The following SHISA9 variants were observed in gnomAD, a reference collection of about 807,000 sequenced individuals.
The protein encoded by SHISA9 is protein shisa-9.
Under a neutral mutation model 38.0 loss-of-function variants are expected in SHISA9, and 13 were observed. That is an observed-to-expected ratio of 0.34 (90% confidence interval 0.22 to 0.54). The LOEUF (loss-of-function observed/expected upper bound fraction) is 0.54, where lower values mean the gene tolerates loss of function less well. SHISA9 is among the 20% of genes least tolerant of loss of function. The pLI is 0.91. For synonymous variants in SHISA9, 275 were observed against 242.0 expected, an observed-to-expected ratio of 1.14 and a Z score of -1.27; for missense variants, 538 against 575.8, an observed-to-expected ratio of 0.93 and a Z score of 0.67.
chr16:13,131,076 C>G (rs1409548624), intron 2 of SHISA9, among the ~76,000 whole-genome samples: 2 of 150,276 alleles, frequency 1.3e-5, no homozygotes, highest in African/African-American at 2.5e-5. Context: ...GATCTAGAAG[C>G]AGAAATACCA....
At chr16:13,004,149 G>T (rs1352951511) in intron 2 of SHISA9, among the ~76,000 whole-genome samples, 2 of 152,144 alleles carry the variant, frequency 1.3e-5, no homozygotes, top group African/African-American at 4.8e-5. Context: ...GGCAAAAGGT[G>T]GGTCTCTTCT....
chr16:12,950,330 AG>A (rs1335587782), intron 2 of SHISA9, among the ~76,000 whole-genome samples: 1 of 152,192 alleles, frequency 6.6e-6, no homozygotes, highest in Non-Finnish European at 1.5e-5. Context: ...TAAACAAGGG[AG>A]TGCATATATC....
intron 2 of SHISA9, among the ~76,000 whole-genome samples, chr16:13,008,656 TCC>T (rs1567179910): frequency 8.7e-5 from 2 of 22,866 alleles, no homozygotes; most frequent in Non-Finnish European, 1.6e-4. Flanking sequence ...CCTCCCTCCC[TCC>T]CTCCCTTCCT....
the SHISA9 span, among the ~76,000 whole-genome samples, chr16:13,446,424 C>G: frequency 6.6e-6 from 1 of 152,108 alleles, no homozygotes; most frequent in African/African-American, 2.4e-5. Context: ...CCACAAGTCA[C>G]TTGTAGTCTA....
At chr16:13,407,549 G>A in the SHISA9 span, among the ~76,000 whole-genome samples, 1 of 152,206 alleles carries the variant, frequency 6.6e-6, no homozygotes, top group Non-Finnish European at 1.5e-5. Flanking sequence ...CAATGATGCT[G>A]TCATGAACAC....
the SHISA9 span, among the ~76,000 whole-genome samples, chr16:13,256,776 GC>G: frequency 6.6e-6 from 1 of 152,206 alleles, no homozygotes; most frequent in African/African-American, 2.4e-5. Context: ...ACACGGTGTT[GC>G]CTTTTGAGTA....
chr16:13,197,841 A>C lies in SHISA9; in HGVS notation c.692-5553A>C, dbSNP rs540403932. The stretch of plus-strand genomic sequence containing the variant: ...GAATGTCTAGAAGGGAACTTCTGAG[A>C]GTGAGACATGTTACTGGATTCCATC... On this transcript the variant is annotated intron_variant, in intron 2 of 4. Transcript: ENST00000558583. Among the ~76,000 whole-genome samples, 6 of 152,306 alleles carry C rather than the reference A, an allele frequency of 3.9e-5. No homozygotes were observed. In the South Asian group the frequency reaches 8.3e-4, roughly 21 times the overall value.
intron 2 of SHISA9, among the ~76,000 whole-genome samples, chr16:13,170,258 A>T (rs2050674446): frequency 6.6e-6 from 1 of 151,910 alleles, no homozygotes; most frequent in South Asian, 2.1e-4. Context: ...TTGTTCATTT[A>T]TTTGTCCCTA....
rs571885369 is a variant in SHISA9, at chr16:13,235,104, C to G, written c.970C>G (p.Leu324Val). 6.4e-7 allele frequency: 1 copy of G among 1,551,666 alleles called. No individual in the cohort carries two copies. The highest frequency in any genetic ancestry group is 2.0e-5 in the Admixed American group (1 of 50,994). ...GCTGGCTGCCAAGGGGAACTTACCT[C>G]TGCACCCCGTAAGAGTGGAGGACGA... The part of the protein sequence containing the change: ...AELAAKGNLP[L>V]HPVRVEDEPR... Residue 324 changes from leucine to valine, a missense_variant, in exon 5 of 5, where the codon CTG becomes GTG. Leu to Val is a conservative substitution (Grantham distance 32). Transcript: ENST00000558583.
intron 2 of SHISA9, among the ~76,000 whole-genome samples, chr16:13,033,542 A>C (rs1014743792): frequency 6.6e-6 from 1 of 152,194 alleles, no homozygotes; most frequent in African/African-American, 2.4e-5. Context: ...ATTGAATATT[A>C]CAACTTTAAA....
At chr16:13,035,536 C>T (rs1023719407) in intron 2 of SHISA9, among the ~76,000 whole-genome samples, 2 of 148,358 alleles carry the variant, frequency 1.3e-5, no homozygotes, top group Admixed American at 6.7e-5. Context: ...TAATTTTCAG[C>T]TTTTTTTTTT....
the SHISA9 span, among the ~76,000 whole-genome samples, chr16:13,406,667 G>T: frequency 2.0e-5 from 3 of 152,180 alleles, no homozygotes; most frequent in Admixed American, 6.5e-5. Flanking sequence ...GCATTAGTTG[G>T]GTTTGGGAGT....
At chr16:13,105,747 G>T (rs1357619293) in intron 2 of SHISA9, among the ~76,000 whole-genome samples, 2 of 152,208 alleles carry the variant, frequency 1.3e-5, no homozygotes, top group Admixed American at 1.3e-4. Flanking sequence ...GCTGCCAGGG[G>T]CTGACAGACT....
At chr16:13,093,956 C>T (rs746851491) in intron 2 of SHISA9, among the ~76,000 whole-genome samples, 3 of 152,124 alleles carry the variant, frequency 2.0e-5, no homozygotes, top group Non-Finnish European at 4.4e-5. Context: ...CCTTGTCTGC[C>T]TTTCCCACCA....
chr16:13,474,228 G>A, the SHISA9 span: 1 of 152,142 alleles, frequency 6.6e-6, no homozygotes, highest in Admixed American at 6.5e-5. Context: ...ATATTGGCAT[G>A]TAGCACTCCT....
rs138326625 is a variant in SHISA9 at position 13,079,708 on chromosome 16, A to G, written c.692-123686A>G. Among the ~76,000 whole-genome samples the G allele has an allele frequency of 4.7e-3, 710 of 152,320 alleles. 8 individuals are homozygous for G. Among genetic ancestry groups the G allele is most frequent in the African/African-American group, 0.016 (679 of 41,578 alleles). On this transcript the variant is annotated intron_variant, in intron 2 of 4. Coordinates refer to ENST00000558583, the MANE Select transcript of SHISA9 (RefSeq NM_001145204.3). ...CTAATTTTAATGAGACATTAGATCA[A>G]CATCACAAAAGCAATTTCAGATTAC...
intron 4 of SHISA9, among the ~76,000 whole-genome samples, chr16:13,234,536 C>T (rs754616097): frequency 1.3e-5 from 2 of 152,076 alleles, no homozygotes; most frequent in Admixed American, 6.6e-5. Flanking sequence ...AGCAAACAAA[C>T]CAGCGGAGAA....
the SHISA9 span, among the ~76,000 whole-genome samples, chr16:13,444,144 G>A: frequency 2.0e-5 from 3 of 152,212 alleles, no homozygotes; most frequent in Non-Finnish European, 4.4e-5. Context: ...GCCAAGGCTG[G>A]AGGATCTCTT....
intron 2 of SHISA9, among the ~76,000 whole-genome samples, chr16:12,930,004 C>G (rs1190076331): frequency 6.6e-6 from 1 of 152,090 alleles, no homozygotes; most frequent in Non-Finnish European, 1.5e-5. Context: ...GTAAAGATCT[C>G]ACCATCATCC....
Sources: allele counts gnomAD v4.1 joint callset (sites outside exome capture counted in the v4.1 genomes callset), GRCh38; gene constraint gnomAD v4.1.1; transcripts MANE v1.5; gene names NCBI Gene and HGNC (gene_info 2026-07-23, HGNC 2026-07-21).